The following ZNF394 variants were observed in gnomAD, a reference collection of about 807,000 sequenced individuals.
ZNF394 encodes the protein zinc finger protein 99.
Under a neutral mutation model 21.8 loss-of-function variants are expected in ZNF394, and 19 were observed. That is an observed-to-expected ratio of 0.87 (90% CI 0.61 to 1.28). The LOEUF (loss-of-function observed/expected upper bound fraction) is 1.28, where lower values mean the gene tolerates loss of function less well. Ranked by LOEUF, ZNF394 falls within the 50% of genes most tolerant of loss-of-function variation. The pLI is 0.00. For missense variants in ZNF394, 683 were observed against 708.6 expected, an observed-to-expected ratio of 0.96 and a Z score of 0.41; for synonymous variants, 294 against 273.3, an observed-to-expected ratio of 1.08 and a Z score of -0.75.
rs1218783847 is a variant in ZNF394, at chr7:99,498,731, T to C, written c.568A>G (p.Ser190Gly). 1 of 1,613,994 alleles carries C rather than the reference T, an allele frequency of 6.2e-7. No individual in the cohort carries two copies. The highest frequency in any genetic ancestry group is 8.5e-7 in the Non-Finnish European group (1 of 1,179,976). ...CRESAQKDSG[S>G]TVPPSLESRV... ...CAGCACTCACTCGGCGGAACTGTGC[T>C]CCCGGAATCCTTCTGCGCACTCTCT... Residue 190 changes from serine to glycine, a missense_variant, in exon 2 of 3, where the codon AGC becomes GGC. Physicochemically the swap from Ser to Gly is moderately conservative, Grantham distance 56 (BLOSUM62 0). This residue lies in a region of ZNF394 where 402 missense variants were observed against 373.8 expected (regional missense o/e 1.08). Transcript: ENST00000337673.
chr7:99,487,472 G>C, intron 1 of ZNF394: 1 of 1,612,168 alleles, frequency 6.2e-7, no homozygotes, highest in Non-Finnish European at 8.5e-7. Flanking sequence ...ACTCACAAAG[G>C]ACAGATATCC....
downstream of ZNF394, among the ~76,000 whole-genome samples, chr7:99,492,639 C>CA (rs757663157): frequency 0.034 from 1,693 of 50,114 alleles, 42 homozygotes; most frequent in Non-Finnish European, 0.054. Context: ...GACTCCATCT[C>CA]AAAAAAAAAA....
Position 99,498,828 on chromosome 7 carries a change from G to A in ZNF394, c.471C>T (p.Phe157=), listed in dbSNP as rs769054682. 1.9e-6 allele frequency: 3 copies of A among 1,613,254 alleles called. No individual in the cohort carries two copies. Among genetic ancestry groups the A allele is most frequent in the South Asian group, 1.1e-5 (1 of 91,008 alleles). Residue 157 remains phenylalanine (F), a synonymous_variant, in exon 2 of 3, where the codon TTC becomes TTT. Transcript: ENST00000337673. ...DGTSSQGMVT[F]EDTAVSLTWE... ...AGGTTAGAGACACAGCCGTGTCCTC[G>A]AAAGTCACCATCCCCTGGAACAACA... is the stretch of plus-strand genomic sequence containing the variant.
In ZNF394 at chr7:99,493,905, C is replaced by T. The variant is rs942487729; in HGVS notation, c.1310G>A (p.Ser437Asn). 1.9e-6 allele frequency: 3 copies of T among 1,614,240 alleles called. No homozygotes were observed. The highest frequency in any genetic ancestry group is 2.2e-5 in the South Asian group (2 of 91,086). ...CTCACATTTAAAATGTTTGTCTCTA[C>T]TGTGGGTACTTTGATGACGATTTAG... is the stretch of plus-strand genomic sequence containing the variant. ...SHLNRHQSTH[S>N]RDKHFKCEEC... is the part of the protein sequence containing the mutation. Residue 437 changes from serine (S) to asparagine (N), a missense_variant, in exon 3 of 3, where the codon AGT becomes AAT. Ser to Asn is a conservative substitution (Grantham distance 46). Transcript: ENST00000337673.
rs1452407971 is a variant in ZNF394 at position 99,500,255 on chromosome 7, A to AACTC, written c.-166_-163dup. 16 of 628,574 alleles carry AACTC rather than the reference A, an allele frequency of 2.5e-5. No homozygotes were observed. The highest frequency in any genetic ancestry group is 5.0e-6 in the Non-Finnish European group (2 of 397,184). The allele number at this position is 628,574 out of a possible 1,614,324, so 38.9% of individuals were successfully genotyped here. A position where few individuals can be genotyped will look rare whatever the true frequency, so the allele number is the denominator to read the frequency against. ...CTCCTTTCCTCAGCTTTGCGCCTACAACTCTCTCGGTCAAACAACCGAAAA... is the reference window on the plus strand; with the variant it reads ...CTCCTTTCCTCAGCTTTGCGCCTACAACTCACTCTCTCGGTCAAACAACCGAAAA... On this transcript the variant is annotated 5_prime_UTR_variant, in exon 1 of 3. Transcript: ENST00000337673.
chr7:99,493,901 T>A lies in ZNF394; in HGVS notation c.1314A>T (p.Arg438Ser). The change falls in exon 3 of 3, where the codon AGA becomes AGT. Residue 438 changes from arginine (R) to serine (S), a missense_variant. Physicochemically the swap from Arg to Ser is moderately radical, Grantham distance 110 (BLOSUM62 -1). This residue lies in a region of ZNF394 where 274 missense variants were observed against 314.1 expected (regional missense o/e 0.87). Coordinates refer to ENST00000337673, the MANE Select transcript of ZNF394 (RefSeq NM_032164.4). ...ATTCCTCACATTTAAAATGTTTGTC[T>A]CTACTGTGGGTACTTTGATGACGAT... ...HLNRHQSTHS[R>S]DKHFKCEECG... 2 of 1,614,240 alleles carry A rather than the reference T, an allele frequency of 1.2e-6. No individual in the cohort carries two copies. Among genetic ancestry groups the A allele is most frequent in the South Asian group, 1.1e-5 (1 of 91,086 alleles).
Position 99,499,755 on chromosome 7 carries a change from GAGGAACTGCTCCAGCACCAGCAGCTCC to G in ZNF394, c.312_338del (p.Glu105_Leu113del). 3 of 1,614,160 alleles carry G rather than the reference GAGGAACTGCTCCAGCACCAGCAGCTCC, an allele frequency of 1.9e-6. No homozygotes were observed. The highest frequency in any genetic ancestry group is 2.5e-6 in the Non-Finnish European group (3 of 1,180,052). On this transcript the variant is annotated inframe_deletion, in exon 1 of 3. Coordinates refer to ENST00000337673, the MANE Select transcript of ZNF394 (RefSeq NM_032164.4). ...CTTGAAGCTCCTCGGGCAGGATGGT[GAGGAACTGCTCCAGCACCAGCAGCTCC>G]AGGATCTGCTCCTTGGAGAGCAGCT... is the stretch of plus-strand genomic sequence containing the variant.
chr7:99,488,493 C>CTCCA (rs576096805), downstream of ZNF394, among the ~76,000 whole-genome samples: 2,601 of 150,322 alleles, frequency 0.017, 30 homozygotes, highest in Non-Finnish European at 0.025. Flanking sequence ...CAGAGTGAGA[C>CTCCA]TCCATCTCAA....
At chr7:99,497,120 GTGTATATATATATATATATATGTA>G (rs1800348456) in intron 2 of ZNF394, among the ~76,000 whole-genome samples, 1 of 91,380 alleles carries the variant, frequency 1.1e-5, no homozygotes, top group African/African-American at 5.8e-5. Flanking sequence ...GTGTGTGTGT[GTGTATATATATATATATATATGTA>G]TATATATATA....
chr7:99,499,905 A>G lies in ZNF394; in HGVS notation c.189T>C (p.Ser63=). ...YPAASPDPET[S]RLHFRQLRYQ... is the part of the protein sequence containing the mutation. ...AACGCAGCTGCCTAAAGTGCAGTCG[A>G]GAAGTTTCGGGGTCCGGCGAAGCCG... The change falls in exon 1 of 3, where the codon TCT becomes TCC. Residue 63 remains serine (S), a synonymous_variant. Transcript: ENST00000337673. The G allele has an allele frequency of 6.2e-7, 1 of 1,614,134 alleles. No homozygotes were observed. Among genetic ancestry groups the G allele is most frequent in the Non-Finnish European group, 8.5e-7 (1 of 1,180,030 alleles).
chr7:99,498,101 G>A (rs1434776032), intron 2 of ZNF394: 1 of 152,234 alleles, frequency 6.6e-6, no homozygotes, highest in African/African-American at 2.4e-5. Context: ...AATGTTCGGT[G>A]CAATGCTGTA....
intron 2 of ZNF394, among the ~76,000 whole-genome samples, chr7:99,496,172 A>G (rs10279753): frequency 6.6e-6 from 1 of 150,570 alleles, no homozygotes; most frequent in Non-Finnish European, 1.5e-5. Flanking sequence ...AGTAGGTATT[A>G]TAGTAGGTAT....
In ZNF394 at chr7:99,493,491, A is replaced by C. The variant is rs2151080485; in HGVS notation, c.*38T>G. 2 of 1,512,096 alleles carry C rather than the reference A, an allele frequency of 1.3e-6. No homozygotes were observed. The highest frequency in any genetic ancestry group is 2.3e-5 in the East Asian group (1 of 44,278). 93.7% of individuals were successfully genotyped at this position (1,512,096 alleles called of 1,614,324 possible). A position where few individuals can be genotyped will look rare whatever the true frequency, so the allele number is the denominator to read the frequency against. ...AGGCTGGTTTCAAACTCCTGATCTC[A>C]AATGATCTGCCTGCCTTGGCCTCCC... On this transcript the variant is annotated 3_prime_UTR_variant, in exon 3 of 3. Transcript: ENST00000337673.
intron 2 of ZNF394, 100 bp from the exon 3 acceptor site, chr7:99,494,731 TTTAA>T (rs1463196862): frequency 2.9e-5 from 41 of 1,403,926 alleles, no homozygotes; most frequent in African/African-American, 6.0e-5. Context: ...CCTTTTACTT[TTTAA>T]TTAATTAATT....
rs541514516 is a variant in ZNF394 at position 99,498,765 on chromosome 7, G to A, written c.534C>T (p.Asp178=). Reference sequence around the variant, plus strand: ...CCTTCTGCGCACTCTCTCTGCAGAAGTCCCTCCGTGCTGGGTCCAGGCGCT... The same window carrying A: ...CCTTCTGCGCACTCTCTCTGCAGAAATCCCTCCGTGCTGGGTCCAGGCGCT... The part of the protein sequence containing the change: ...EWERLDPARR[D]FCRESAQKDS... Residue 178 remains aspartate (D), a synonymous_variant, in exon 2 of 3, where the codon GAC becomes GAT. Transcript: ENST00000337673. 1.9e-6 allele frequency: 3 copies of A among 1,614,020 alleles called. No individual in the cohort carries two copies. The highest frequency in any genetic ancestry group is 2.5e-6 in the Non-Finnish European group (3 of 1,180,024).
chr7:99,493,909 G>C lies in ZNF394; in HGVS notation c.1306C>G (p.His436Asp). The change falls in exon 3 of 3, where the codon CAC becomes GAC. Residue 436 changes from histidine (H) to aspartate (D), a missense_variant. Physicochemically the swap from His to Asp is moderately conservative, Grantham distance 81 (BLOSUM62 -1). Transcript: ENST00000337673. Reference protein sequence around the residue: ...NSHLNRHQSTHSRDKHFKCEE... With the variant: ...NSHLNRHQSTDSRDKHFKCEE... ...CATTTAAAATGTTTGTCTCTACTGT[G>C]GGTACTTTGATGACGATTTAGGTGT... The C allele has an allele frequency of 6.2e-7, 1 of 1,614,226 alleles. No homozygotes were observed. The highest frequency in any genetic ancestry group is 8.5e-7 in the Non-Finnish European group (1 of 1,180,052).
downstream of ZNF394, among the ~76,000 whole-genome samples, chr7:99,491,888 C>T (rs2151079589): frequency 6.7e-6 from 1 of 149,740 alleles, no homozygotes; most frequent in South Asian, 2.1e-4. Flanking sequence ...TCCTGGCTAA[C>T]ACAGTGAAAC....
chr7:99,486,944 C>G lies in ZNF394; in HGVS notation n.103G>C, dbSNP rs149550046. The G allele has an allele frequency of 2.5e-6, 4 of 1,613,988 alleles. No individual in the cohort carries two copies. The African/African-American group carries it at 4.0e-5, about 16-fold the overall frequency. ...GCCTTCAGACAGCGGTCAGCTCTTA[C>G]GGTCCATAAACAGTGTCACCTGCAA... On this transcript the variant is annotated non_coding_transcript_exon_variant, in exon 2 of 2. Transcript: ENST00000462024.
At chr7:99,490,269 A>C (rs1242082588), downstream of ZNF394, among the ~76,000 whole-genome samples, 1 of 146,292 alleles carries the variant, frequency 6.8e-6, no homozygotes, top group Non-Finnish European at 1.5e-5. Flanking sequence ...ATTCTCCTGC[A>C]TCAGCCTCCT....
Sources: allele counts gnomAD v4.1 joint callset (sites outside exome capture counted in the v4.1 genomes callset), GRCh38; gene constraint gnomAD v4.1.1; regional missense constraint gnomAD v4.1.1; transcripts MANE v1.5; gene names NCBI Gene and HGNC (gene_info 2026-07-23, HGNC 2026-07-21).